The following PEAK1 variants were observed in gnomAD, a reference collection of about 807,000 sequenced individuals.
PEAK1 encodes inactive tyrosine-protein kinase PEAK1.
In PEAK1, 54 loss-of-function variants were observed where a neutral mutation model predicts 124.7. The observed-to-expected ratio is 0.43, with a 90% CI of 0.35 to 0.54. The LOEUF (loss-of-function observed/expected upper bound fraction) is 0.54. PEAK1 is among the 20% of genes least tolerant of loss of function. PEAK1 has a pLI of 0.01. For synonymous variants in PEAK1, 719 were observed against 760.0 expected, an observed-to-expected ratio of 0.95 and a Z score of 0.89; for missense variants, 2,046 against 2,134.5, an observed-to-expected ratio of 0.96 and a Z score of 0.82.
intron 6 of PEAK1, among the ~76,000 whole-genome samples, chr15:77,227,000 C>T (rs554570720): frequency 6.6e-6 from 1 of 152,240 alleles, no homozygotes; most frequent in African/African-American, 2.4e-5. Flanking sequence ...TGGCAGTTGT[C>T]CTCAACCTTT....
chr15:77,138,550 A>C (rs940881021), intron 8 of PEAK1, among the ~76,000 whole-genome samples: 5 of 152,218 alleles, frequency 3.3e-5, no homozygotes, highest in Non-Finnish European at 4.4e-5. Context: ...CTTAAGATAC[A>C]CTGTACACTA....
intron 1 of PEAK1, chr15:77,381,114 C>G (rs1280893849): frequency 2.7e-5 from 19 of 692,222 alleles, no homozygotes; most frequent in Non-Finnish European, 3.0e-5. Flanking sequence ...CAGCAAAATG[C>G]TACTATGGAG....
intron 1 of PEAK1, chr15:77,418,571 T>G (rs2073079395): frequency 2.0e-6 from 2 of 984,790 alleles, no homozygotes; most frequent in Middle Eastern, 5.2e-4. Flanking sequence ...AAATGTACCA[T>G]ATCTGCCATT....
chr15:77,240,061 A>G (rs1192732486), intron 6 of PEAK1, among the ~76,000 whole-genome samples: 2 of 152,198 alleles, frequency 1.3e-5, no homozygotes, highest in African/African-American at 4.8e-5. Flanking sequence ...ATCCAAACCT[A>G]ATTACAACCA....
chr15:77,131,524 A>T (rs541556385), intron 9 of PEAK1, among the ~76,000 whole-genome samples: 1 of 151,904 alleles, frequency 6.6e-6, no homozygotes, highest in South Asian at 2.1e-4. Flanking sequence ...ACAACAAAAA[A>T]CTCAGCTCTA....
intron 6 of PEAK1, among the ~76,000 whole-genome samples, chr15:77,245,373 A>G (rs2060533831): frequency 6.6e-6 from 1 of 152,172 alleles, no homozygotes; most frequent in South Asian, 2.1e-4. Flanking sequence ...GAAAAAAAAA[A>G]AAGGATGTCT....
intron 2 of PEAK1, chr15:77,332,293 T>A: frequency 1.0e-6 from 1 of 984,766 alleles, no homozygotes; most frequent in Non-Finnish European, 1.2e-6. Context: ...TCACCATATA[T>A]TTTTTGTTTG....
intron 1 of PEAK1, among the ~76,000 whole-genome samples, chr15:77,388,865 T>C (rs2070192849): frequency 6.6e-6 from 1 of 152,130 alleles, no homozygotes; most frequent in Non-Finnish European, 1.5e-5. Flanking sequence ...CAGAGATACT[T>C]GAATAAATTT....
chr15:77,195,707 T>C (rs1249042084), intron 6 of PEAK1, among the ~76,000 whole-genome samples: 1 of 152,210 alleles, frequency 6.6e-6, no homozygotes, highest in African/African-American at 2.4e-5. Flanking sequence ...GTGTGCACCA[T>C]TCCCTGCAAT....
rs538475609 is a variant in PEAK1, at chr15:77,179,088, G to A, written c.2839C>T (p.Arg947Ter). The A allele has an allele frequency of 4.3e-6, 7 of 1,613,986 alleles. No individual in the cohort carries two copies. In the African/African-American group the frequency reaches 6.7e-5, roughly 15 times the overall value. The change falls in exon 7 of 10, where the codon CGA (arginine) becomes TGA (stop). Residue 947 changes from arginine (R) to a stop codon, truncating the protein, a stop_gained. Coordinates refer to ENST00000682557, the MANE Select transcript of PEAK1 (RefSeq NM_001385026.1). LOFTEE classifies it high-confidence loss of function. ...AGGCCCACCAGTTTCCCTTTCTCTC[G>A]CTCTTTCTCTTTGTCATCCTCCTCA... ...TDEEDDKEKE[R>*]EKGKLVGLDG...
intron 2 of PEAK1, chr15:77,338,090 A>C: frequency 1.0e-6 from 1 of 983,978 alleles, no homozygotes; most frequent in South Asian, 4.7e-5. Flanking sequence ...CTGTATACCA[A>C]TGAAAGGGTA....
At chr15:77,359,773 A>G (rs1443708654) in intron 2 of PEAK1, among the ~76,000 whole-genome samples, 1 of 152,208 alleles carries the variant, frequency 6.6e-6, no homozygotes, top group Non-Finnish European at 1.5e-5. Context: ...TAAAACACTG[A>G]AAGAAATTAA....
intron 2 of PEAK1, among the ~76,000 whole-genome samples, chr15:77,329,195 C>T (rs1420293400): frequency 6.6e-6 from 1 of 152,108 alleles, no homozygotes; most frequent in Non-Finnish European, 1.5e-5. Context: ...TGATTCAGAA[C>T]CAAAATGCAG....
chr15:77,126,205 T>C (rs2052360140), intron 9 of PEAK1, among the ~76,000 whole-genome samples: 1 of 152,212 alleles, frequency 6.6e-6, no homozygotes, highest in African/African-American at 2.4e-5. Context: ...GATCATGTTA[T>C]TAGTATTCTG....
At chr15:77,175,544 C>T (rs1347391022) in intron 7 of PEAK1, among the ~76,000 whole-genome samples, 15 of 151,998 alleles carry the variant, frequency 9.9e-5, no homozygotes, top group Middle Eastern at 3.4e-3. Context: ...AAATCAAAAC[C>T]ACAATGAGAT....
At chr15:77,348,697 AC>A in intron 2 of PEAK1, 2 of 985,228 alleles carry the variant, frequency 2.0e-6, no homozygotes, top group South Asian at 9.4e-5. Context: ...AGTTAATCTG[AC>A]TCACGGGAAA....
intron 2 of PEAK1, chr15:77,348,391 T>C (rs957250425): frequency 2.2e-6 from 2 of 902,824 alleles, no homozygotes; most frequent in African/African-American, 1.8e-5. Flanking sequence ...ATTTGGTAAT[T>C]ACACTATAAG....
At chr15:77,410,479 A>T (rs1475799382) in intron 1 of PEAK1, among the ~76,000 whole-genome samples, 1 of 152,204 alleles carries the variant, frequency 6.6e-6, no homozygotes, top group Admixed American at 6.5e-5. Flanking sequence ...TAAAATGAGG[A>T]TGTTACCTTA....
At chr15:77,309,754 T>C (rs1188653000) in intron 2 of PEAK1, among the ~76,000 whole-genome samples, 1 of 152,190 alleles carries the variant, frequency 6.6e-6, no homozygotes, top group Non-Finnish European at 1.5e-5. Flanking sequence ...TTGCATATTT[T>C]TTATTTGCCA....
Sources: gnomAD v4.1 joint callset for allele counts (sites outside exome capture counted in the v4.1 genomes callset) on GRCh38, gnomAD v4.1.1 for gene constraint, MANE v1.5 for transcripts, NCBI Gene and HGNC (gene_info 2026-07-23, HGNC 2026-07-21) for gene names.